Variants in TRAPPC9 observed in about 807,000 individuals in gnomAD.
The protein encoded by TRAPPC9 is trafficking protein particle complex subunit 9.
In TRAPPC9, 83 loss-of-function variants were observed where a neutral mutation model predicts 124.0. The observed-to-expected ratio is 0.67, with a 90% CI of 0.56 to 0.80. The LOEUF is 0.80. Among genes scored for constraint, TRAPPC9 ranks in the 30% least tolerant of loss-of-function variants. The probability of loss-of-function intolerance (pLI) is 0.00; values close to 1 mark genes in which losing one functional copy is unlikely to be tolerated. For missense variants in TRAPPC9, 1,302 were observed against 1,508.3 expected (o/e 0.86, Z 2.27); for synonymous variants, 638 against 617.5 (o/e 1.03, Z -0.49).
rs147474485 is a variant in TRAPPC9, at chr8:139,870,304, C to T, written c.3055+15575G>A. Among the ~76,000 whole-genome samples the T allele has an allele frequency of 1.4e-3, 206 of 152,238 alleles. 2 individuals carry two copies. The highest frequency in any genetic ancestry group is 4.8e-3 in the African/African-American group (199 of 41,566). On this transcript the variant is annotated intron_variant, in intron 21 of 22. Coordinates refer to ENST00000438773, the MANE Select transcript of TRAPPC9 (RefSeq NM_001160372.4). ...ATATTAAAGCAAATGAGACCATGAACGTACCAGGAGAAAACATGGGAGAAT... is the reference window on the plus strand; with the variant it reads ...ATATTAAAGCAAATGAGACCATGAATGTACCAGGAGAAAACATGGGAGAAT...
chr8:140,107,866 G>T (rs1024794076), intron 17 of TRAPPC9, among the ~76,000 whole-genome samples: 3 of 128,956 alleles, frequency 2.3e-5, no homozygotes, highest in Non-Finnish European at 4.9e-5. Context: ...GCAGAGAGGA[G>T]TGAAACATTT....
intron 12 of TRAPPC9, among the ~76,000 whole-genome samples, chr8:140,289,155 T>C (rs950958141): frequency 8.6e-5 from 13 of 150,840 alleles, no homozygotes; most frequent in Non-Finnish European, 1.5e-5. Context: ...TGTAGGCATA[T>C]GGGTTTAGAT....
chr8:139,803,719 G>A (rs562350585), intron 21 of TRAPPC9, among the ~76,000 whole-genome samples: 1 of 152,310 alleles, frequency 6.6e-6, no homozygotes, highest in South Asian at 2.1e-4. Flanking sequence ...GCGATATGTG[G>A]CTGTTCCCCG....
chr8:139,854,673 G>A (rs985803667), intron 21 of TRAPPC9, among the ~76,000 whole-genome samples: 4 of 152,216 alleles, frequency 2.6e-5, no homozygotes, highest in Admixed American at 2.0e-4. Flanking sequence ...GCCTGCACAC[G>A]TAAAATCCTA....
At chr8:139,978,679 T>A (rs1836657843) in intron 19 of TRAPPC9, among the ~76,000 whole-genome samples, 1 of 152,154 alleles carries the variant, frequency 6.6e-6, no homozygotes, top group Admixed American at 6.5e-5. Flanking sequence ...ATAATAAAGC[T>A]GTGACGTGAA....
At chr8:140,038,888 G>A (rs938896670) in intron 17 of TRAPPC9, among the ~76,000 whole-genome samples, 2 of 152,186 alleles carry the variant, frequency 1.3e-5, no homozygotes, top group Non-Finnish European at 2.9e-5. Context: ...CTGTATCTCT[G>A]CTAGACTGTG....
chr8:140,350,587 C>T (rs927821261), intron 9 of TRAPPC9, among the ~76,000 whole-genome samples: 1 of 151,868 alleles, frequency 6.6e-6, no homozygotes, highest in Non-Finnish European at 1.5e-5. Flanking sequence ...GACTGGGAAA[C>T]GCAAAGCGGC....
intron 10 of TRAPPC9, among the ~76,000 whole-genome samples, chr8:140,308,208 C>T (rs4078147): frequency 0.03 from 4,567 of 151,908 alleles, 93 homozygotes; most frequent in Admixed American, 0.064. Context: ...AAAGCAGGAG[C>T]GTAGGACCAA....
intron 19 of TRAPPC9, among the ~76,000 whole-genome samples, chr8:139,981,783 T>C (rs1836913609): frequency 6.6e-6 from 1 of 152,210 alleles, no homozygotes; most frequent in Non-Finnish European, 1.5e-5. Flanking sequence ...GGCCATTGCC[T>C]GTGGGGCTCT....
chr8:139,842,650 G>A (rs1826808132), intron 21 of TRAPPC9, among the ~76,000 whole-genome samples: 1 of 151,966 alleles, frequency 6.6e-6, no homozygotes, highest in African/African-American at 2.4e-5. Flanking sequence ...CTCCCATGGA[G>A]GAGGGGCTGG....
chr8:140,418,766 A>G (rs1017134260), intron 5 of TRAPPC9, among the ~76,000 whole-genome samples: 22 of 151,278 alleles, frequency 1.5e-4, no homozygotes, highest in African/African-American at 5.3e-4. Context: ...AGATAGATAG[A>G]TAGATAGACA....
At chr8:140,106,217 T>C (rs1027647540) in intron 17 of TRAPPC9, among the ~76,000 whole-genome samples, 6 of 152,084 alleles carry the variant, frequency 3.9e-5, no homozygotes, top group Non-Finnish European at 7.3e-5. Context: ...CATCAGATCG[T>C]GCCATCAGAG....
At chr8:139,952,884 A>G (rs956124051) in intron 19 of TRAPPC9, among the ~76,000 whole-genome samples, 2 of 152,186 alleles carry the variant, frequency 1.3e-5, no homozygotes, top group Non-Finnish European at 2.9e-5. Flanking sequence ...TATTATTAAC[A>G]CACTTTACAG....
chr8:139,901,206 G>C (rs1830999990), intron 20 of TRAPPC9, among the ~76,000 whole-genome samples: 1 of 152,058 alleles, frequency 6.6e-6, no homozygotes, highest in Non-Finnish European at 1.5e-5. Flanking sequence ...CTCCCTGCTG[G>C]AAAATAGGCT....
chr8:139,795,387 G>T (rs1442017574), intron 21 of TRAPPC9, among the ~76,000 whole-genome samples: 1 of 152,192 alleles, frequency 6.6e-6, no homozygotes, highest in African/African-American at 2.4e-5. Flanking sequence ...TGGACACAGA[G>T]ATCTCAGAAC....
intron 9 of TRAPPC9, among the ~76,000 whole-genome samples, chr8:140,358,396 G>A (rs1372054414): frequency 6.6e-6 from 1 of 152,066 alleles, no homozygotes; most frequent in Non-Finnish European, 1.5e-5. Flanking sequence ...TAGTAGACAC[G>A]GGGTTTCACC....
intron 9 of TRAPPC9, among the ~76,000 whole-genome samples, chr8:140,324,860 T>C (rs186707288): frequency 6.6e-6 from 1 of 152,296 alleles, no homozygotes; most frequent in African/African-American, 2.4e-5. Flanking sequence ...AAATAACTTC[T>C]TCAACTGACA....
At chr8:140,299,268 C>T (rs1448803525) in intron 11 of TRAPPC9, among the ~76,000 whole-genome samples, 2 of 151,950 alleles carry the variant, frequency 1.3e-5, no homozygotes, top group African/African-American at 4.8e-5. Context: ...CAGGAGGTGG[C>T]ATGAAAACCC....
At chr8:140,210,236 G>A (rs1216951774) in intron 17 of TRAPPC9, among the ~76,000 whole-genome samples, 1 of 152,218 alleles carries the variant, frequency 6.6e-6, no homozygotes, top group Admixed American at 6.5e-5. Flanking sequence ...AACTACTGAG[G>A]TGATTCAGGG....
Sources: allele counts gnomAD v4.1 joint callset (sites outside exome capture counted in the v4.1 genomes callset), GRCh38; gene constraint gnomAD v4.1.1; transcripts MANE v1.5; gene names NCBI Gene and HGNC (gene_info 2026-07-23, HGNC 2026-07-21).